The following MVB12A variants were observed in gnomAD, a reference collection of about 807,000 sequenced individuals.
MVB12A encodes the protein CIN85/CD2AP family binding protein.
MVB12A carries 30 observed loss-of-function variants against 34.3 expected under a neutral mutation model. That is an observed-to-expected ratio of 0.88 (90% CI 0.65 to 1.19). The LOEUF (loss-of-function observed/expected upper bound fraction) is 1.19, where lower values mean the gene tolerates loss of function less well. Among genes scored for constraint, MVB12A ranks in the 50% most tolerant of loss-of-function variants. The pLI, the probability that MVB12A is intolerant of heterozygous loss-of-function variation, is 0.00. For missense variants in MVB12A, 355 were observed against 369.2 expected (o/e 0.96, Z 0.31); for synonymous variants, 158 against 158.9 (o/e 0.99, Z 0.04).
At chr19:17,419,216 AAC>A (rs2145759523), upstream of MVB12A, 1 of 152,272 alleles carries the variant, frequency 6.6e-6, no homozygotes, top group East Asian at 1.9e-4. Context: ...CAGGGGAAGA[AAC>A]AATAAAACGT....
At chr19:17,412,356 T>C (rs949904917) in intron 2 of MVB12A, among the ~76,000 whole-genome samples, 1 of 152,206 alleles carries the variant, frequency 6.6e-6, no homozygotes, top group Non-Finnish European at 1.5e-5. Context: ...AACCTCTGTC[T>C]CCCTGGTTCA....
At chr19:17,414,864 A>C (rs570259071) in intron 2 of MVB12A, 1 of 152,200 alleles carries the variant, frequency 6.6e-6, no homozygotes, top group Non-Finnish European at 1.5e-5. Context: ...GTGAGACTCC[A>C]TCTCAAAACA....
At chr19:17,408,199 G>A (rs1291670056) in intron 2 of MVB12A, among the ~76,000 whole-genome samples, 5 of 151,826 alleles carry the variant, frequency 3.3e-5, no homozygotes, top group South Asian at 4.1e-4. Flanking sequence ...GGAACAGCTC[G>A]TGTCCTCAGT....
chr19:17,425,165 G>A lies in MVB12A; in HGVS notation c.*172G>A. ...GGGCGGAGCTGCAGCCCTGGAGGAG[G>A]GGGCGGGTCGAGGCTGCGTGGTGAT... is the stretch of plus-strand genomic sequence containing the variant. On this transcript the variant is annotated 3_prime_UTR_variant, in exon 9 of 9. Transcript: ENST00000317040. 1.8e-6 allele frequency: 1 copy of A among 564,018 alleles called. No individual in the cohort carries two copies. The highest frequency in any genetic ancestry group is 2.2e-5 in the South Asian group (1 of 45,220). The allele number at this position is 564,018 out of a possible 1,614,324, so 34.9% of individuals were successfully genotyped here. A position where few individuals can be genotyped will look rare whatever the true frequency, so the allele number is the denominator to read the frequency against.
At chr19:17,422,560 T>C in intron 4 of MVB12A, 102 bp downstream of exon 4, 2 of 1,163,720 alleles carry the variant, frequency 1.7e-6, no homozygotes, top group East Asian at 2.6e-5. Flanking sequence ...CTGTTCCTTC[T>C]TCTACCTTCT....
rs373231400 is a variant in MVB12A, at chr19:17,424,667, T to C, written c.749T>C (p.Ile250Thr). Residue 250 changes from isoleucine to threonine, a missense_variant, in exon 8 of 9, where the codon ATT becomes ACT. Ile to Thr is a moderately conservative substitution (Grantham distance 89). Coordinates refer to ENST00000317040, the MANE Select transcript of MVB12A (RefSeq NM_138401.4). ...GDLTIKSLAD[I>T]EEEYNYGFVV... ...CTGACCATCAAGTCTCTGGCGGACA[T>C]TGAGGAGGAGGTGGGTGCAGGGCTA... 23 of 1,610,426 alleles carry C rather than the reference T, an allele frequency of 1.4e-5. No individual in the cohort carries two copies. The highest frequency in any genetic ancestry group is 6.7e-5 in the African/African-American group (5 of 74,670).
intron 2 of MVB12A, among the ~76,000 whole-genome samples, chr19:17,410,539 CATAT>C (rs1287902219): frequency 2.9e-5 from 2 of 69,642 alleles, no homozygotes; most frequent in East Asian, 3.5e-4. Flanking sequence ...TACACACACA[CATAT>C]ATATATACAC....
At chr19:17,422,245 C>G in intron 3 of MVB12A, 87 bp from the exon 4 acceptor site, 1 of 1,374,638 alleles carries the variant, frequency 7.3e-7, no homozygotes, top group Non-Finnish European at 1.0e-6. Flanking sequence ...TAAACAGCAC[C>G]CTGGCGAGCC....
At chr19:17,419,986 C>T, upstream of MVB12A, 1 of 444,652 alleles carries the variant, frequency 2.2e-6, no homozygotes, top group Non-Finnish European at 3.7e-6. Flanking sequence ...TCCTCGGGCA[C>T]GCGTATACTG....
intron 2 of MVB12A, among the ~76,000 whole-genome samples, chr19:17,412,060 T>A (rs8103068): frequency 6.6e-6 from 1 of 152,078 alleles, no homozygotes; most frequent in East Asian, 1.9e-4. Flanking sequence ...AGGCCAGGGA[T>A]GCTGCTCAAC....
At chr19:17,422,612 A>G (rs1219231673) in intron 4 of MVB12A, 154 bp downstream of exon 4, 2 of 642,284 alleles carry the variant, frequency 3.1e-6, no homozygotes, top group Admixed American at 3.5e-5. Context: ...CATATATATC[A>G]TCTTGTAGGA....
intron 1 of MVB12A, chr19:17,405,802 C>G: frequency 2.1e-6 from 1 of 473,266 alleles, no homozygotes; most frequent in Non-Finnish European, 3.8e-6. Context: ...GCTTTAAAAG[C>G]CCTTGGGCCC....
At chr19:17,417,037 A>G, upstream of MVB12A, 1 of 386,676 alleles carries the variant, frequency 2.6e-6, no homozygotes, top group Non-Finnish European at 5.2e-6. Flanking sequence ...TTCTTTCTTC[A>G]TCTTCCTCTT....
At position 17,420,649 on chromosome 19, in the gene MVB12A, G is replaced by C; in HGVS notation, c.286+15G>C. On this transcript the variant is annotated intron_variant, in intron 3 of 8. Transcript: ENST00000317040. Reference sequence around the variant, plus strand: ...CATGGATTCCAGTAAGGGCTGCTTCGGAGGCGAGAGTTGTCCGGGTCCCTT... The same window carrying C: ...CATGGATTCCAGTAAGGGCTGCTTCCGAGGCGAGAGTTGTCCGGGTCCCTT... 6.4e-7 allele frequency: 1 copy of C among 1,570,036 alleles called. No homozygotes were observed. Among genetic ancestry groups the C allele is most frequent in the Non-Finnish European group, 8.8e-7 (1 of 1,140,296 alleles).
intron 2 of MVB12A, among the ~76,000 whole-genome samples, chr19:17,409,999 C>G (rs137871341): frequency 0.013 from 1,960 of 151,050 alleles, 44 homozygotes; most frequent in African/African-American, 0.046. Flanking sequence ...CCTCATGATC[C>G]GTCCATCTCG....
At position 17,424,597 on chromosome 19, in the gene MVB12A, G is replaced by A. The variant is rs201798541; in HGVS notation, c.703-24G>A. ...GGTTTCAGGTTGAGATCGGGCCCAA[G>A]GCTGACCCACCTCTGCCCGCCAGGC... is the stretch of plus-strand genomic sequence containing the variant. On this transcript the variant is annotated intron_variant, in intron 7 of 8. Coordinates refer to ENST00000317040, the MANE Select transcript of MVB12A (RefSeq NM_138401.4). 274 of 1,607,916 alleles carry A rather than the reference G, an allele frequency of 1.7e-4. 4 individuals carry two copies. The East Asian group carries it at 6.1e-3, about 36-fold the overall frequency.
chr19:17,422,221 C>A, intron 3 of MVB12A, 111 bp from the exon 4 acceptor site: 1 of 957,640 alleles, frequency 1.0e-6, no homozygotes, highest in Non-Finnish European at 1.6e-6. Flanking sequence ...CCAATGTTGT[C>A]CATGTGGCTG....
upstream of MVB12A, chr19:17,420,022 C>CG (rs1599606018): frequency 2.2e-6 from 1 of 462,366 alleles, no homozygotes; most frequent in Non-Finnish European, 3.3e-6. Context: ...TCCGCCCCCC[C>CG]CCCCCGCATG....
rs190860605 is a variant in MVB12A, at chr19:17,407,901, G to C, written c.-5+1605G>C. ...CTAGACCACTGTCCGCTCGGGCAACGGGCGTCTTCCCAGACGCTGGCGTCA... is the reference window on the plus strand; with the variant it reads ...CTAGACCACTGTCCGCTCGGGCAACCGGCGTCTTCCCAGACGCTGGCGTCA... On this transcript the variant is annotated intron_variant, in intron 2 of 6. Coordinates refer to the MVB12A transcript ENST00000528604. Among the ~76,000 whole-genome samples, 12 of 152,332 alleles carry C rather than the reference G, an allele frequency of 7.9e-5. No homozygotes were observed. In the East Asian group the frequency reaches 1.9e-3, roughly 24 times the overall value.
Sources: allele counts gnomAD v4.1 joint callset (sites outside exome capture counted in the v4.1 genomes callset), GRCh38; gene constraint gnomAD v4.1.1; transcripts MANE v1.5; gene names NCBI Gene and HGNC (gene_info 2026-07-23, HGNC 2026-07-21).